EPS8: variants seen among roughly 807,000 people sequenced by gnomAD.
EPS8 encodes EGFR pathway substrate 8, signaling adaptor.
A neutral mutation model predicts 103.8 loss-of-function variants in EPS8; 42 were observed. That is an observed-to-expected ratio of 0.40 (90% CI 0.32 to 0.52). EPS8 has a LOEUF of 0.52. Among genes scored for constraint, EPS8 ranks in the 20% least tolerant of loss-of-function variants. The pLI, the probability that EPS8 is intolerant of heterozygous loss-of-function variation, is 0.40. For synonymous variants in EPS8, 344 were observed against 344.6 expected, an observed-to-expected ratio of 1.00 and a Z score of 0.02; for missense variants, 969 against 1,005.1, an observed-to-expected ratio of 0.96 and a Z score of 0.49.
rs79980624 is a variant in EPS8 at position 15,771,559 on chromosome 12, G to A, written c.-22+17602C>T. 8.2e-3 allele frequency among the ~76,000 whole-genome samples: 1,244 copies of A among 152,194 alleles called. 19 individuals carry two copies. The highest frequency in any genetic ancestry group is 0.028 in the African/African-American group (1,161 of 41,524). ...ACTGAACAGAAGGGGCAAAGGCGAG[G>A]GTTAACTTTAATGTGAAAGCAGCAA... On this transcript the variant is annotated intron_variant, in intron 1 of 20. Coordinates refer to ENST00000281172, the MANE Select transcript of EPS8 (RefSeq NM_004447.6). The surrounding 1 kb of genome is among the most constrained non-coding windows in gnomAD (Gnocchi z 4.6).
At chr12:15,636,503 T>TGGCA (rs1468530707) in intron 17 of EPS8, among the ~76,000 whole-genome samples, 1 of 152,188 alleles carries the variant, frequency 6.6e-6, no homozygotes, top group Admixed American at 6.5e-5. Flanking sequence ...GGACACCAGG[T>TGGCA]GGCAATTCAA....
Position 15,688,141 on chromosome 12 carries a change from C to T in EPS8, c.-21-5169G>A, listed in dbSNP as rs554960264. ...GTAAAATCATAGGCAGAAGTGAACA[C>T]AAAGGAGAAAGGGAAAGAAAACATT... On this transcript the variant is annotated intron_variant, in intron 1 of 20. Coordinates refer to ENST00000281172, the MANE Select transcript of EPS8 (RefSeq NM_004447.6). The surrounding 1 kb of genome is among the most constrained non-coding windows in gnomAD (Gnocchi z 5.1). 6.6e-6 allele frequency among the ~76,000 whole-genome samples: 1 copy of T among 152,106 alleles called. No homozygotes were observed. The highest frequency in any genetic ancestry group is 1.5e-5 in the Non-Finnish European group (1 of 68,016).
At chr12:15,709,761 C>T (rs148545108) in intron 1 of EPS8, among the ~76,000 whole-genome samples, 13 of 152,346 alleles carry the variant, frequency 8.5e-5, no homozygotes, top group African/African-American at 2.9e-4. Flanking sequence ...CTCTGCTTAA[C>T]GCAGTGGTCC....
At chr12:15,663,497 T>C (rs1355080869) in intron 8 of EPS8, among the ~76,000 whole-genome samples, 1 of 152,104 alleles carries the variant, frequency 6.6e-6, no homozygotes, top group Non-Finnish European at 1.5e-5. Flanking sequence ...AAGTCTTCTG[T>C]TTAGGCTAGT....
intron 1 of EPS8, among the ~76,000 whole-genome samples, chr12:15,685,549 G>T (rs976245591): frequency 2.0e-5 from 3 of 152,062 alleles, no homozygotes; most frequent in Admixed American, 1.3e-4. Context: ...ATAAATGCAT[G>T]GTCTCTCTTT....
intron 1 of EPS8, among the ~76,000 whole-genome samples, chr12:15,729,162 C>A (rs1189119944): frequency 6.6e-6 from 1 of 152,226 alleles, no homozygotes; most frequent in South Asian, 2.1e-4. Flanking sequence ...ACCCCCCGAC[C>A]TGTCAAAATC....
chr12:15,724,544 C>T (rs569328368), intron 1 of EPS8, among the ~76,000 whole-genome samples: 1 of 152,226 alleles, frequency 6.6e-6, no homozygotes, highest in South Asian at 2.1e-4. Flanking sequence ...TATCACTTTA[C>T]TTTTAAAACT....
chr12:15,640,114 T>C (rs942160985), intron 17 of EPS8, among the ~76,000 whole-genome samples: 1 of 152,238 alleles, frequency 6.6e-6, no homozygotes, highest in African/African-American at 2.4e-5. Flanking sequence ...TGGACCTTCA[T>C]GGGCCTTCAA....
intron 1 of EPS8, among the ~76,000 whole-genome samples, chr12:15,692,319 GT>G (rs56016545): frequency 8.8e-4 from 106 of 120,242 alleles, no homozygotes; most frequent in African/African-American, 2.7e-3. Flanking sequence ...AAGAGGTTTG[GT>G]TTTTTTTTTT....
At position 15,751,420 on chromosome 12, in the gene EPS8, C is replaced by T. The variant is rs1320715756; in HGVS notation, c.-22+37741G>A. Among the ~76,000 whole-genome samples, 1 of 152,176 alleles carries T rather than the reference C, an allele frequency of 6.6e-6. No homozygotes were observed. The highest frequency in any genetic ancestry group is 1.5e-5 in the Non-Finnish European group (1 of 68,024). ...CTAGCCTCAACGCCACTGATCCCAA[C>T]ATTTATTCATTCATTTTGCCAAAAC... On this transcript the variant is annotated intron_variant, in intron 1 of 20. Transcript: ENST00000281172. The surrounding 1 kb of genome is among the most constrained non-coding windows in gnomAD (Gnocchi z 4.3).
chr12:15,668,271 G>GA (rs1945752154), intron 6 of EPS8, among the ~76,000 whole-genome samples: 1 of 152,080 alleles, frequency 6.6e-6, no homozygotes, highest in Non-Finnish European at 1.5e-5. Context: ...GAAATTAGAA[G>GA]AAAATTATAA....
chr12:15,661,220 T>C (rs747402588), intron 9 of EPS8, among the ~76,000 whole-genome samples: 4 of 152,270 alleles, frequency 2.6e-5, no homozygotes, highest in Non-Finnish European at 4.4e-5. Flanking sequence ...CATGACAAAA[T>C]AGAATAATGC....
intron 4 of EPS8, 48 bp downstream of exon 4, chr12:15,670,808 G>T (rs1225280253): frequency 1.7e-5 from 21 of 1,255,640 alleles, no homozygotes; most frequent in Non-Finnish European, 2.3e-5. Flanking sequence ...CAATTTTTAT[G>T]TTCCTCAAGG....
chr12:15,624,216 G>T lies in EPS8; in HGVS notation c.2225+11C>A, dbSNP rs1187852490. 1.2e-6 allele frequency: 2 copies of T among 1,609,466 alleles called. No individual in the cohort carries two copies. The highest frequency in any genetic ancestry group is 2.7e-5 in the African/African-American group (2 of 74,812). On this transcript the variant is annotated intron_variant, in intron 19 of 20. Transcript: ENST00000281172. ...CACACAGAATTGCAAAGTATTCACA[G>T]AGAGACTCACACAGGGTTGAATCCC...
At position 15,730,545 on chromosome 12, in the gene EPS8, G is replaced by C. The variant is rs951275160; in HGVS notation, c.-21-47573C>G. On this transcript the variant is annotated intron_variant, in intron 1 of 20. Transcript: ENST00000281172. ...CACTAGAACTAGACTATAATTGTCT[G>C]CAGGCAGCTTAAAAACGATGGGACT... Among the ~76,000 whole-genome samples the C allele has an allele frequency of 5.3e-5, 8 of 152,262 alleles. No homozygotes were observed. In the East Asian group the frequency reaches 1.5e-3, roughly 29 times the overall value.
chr12:15,713,063 T>A lies in EPS8; in HGVS notation c.-21-30091A>T. On this transcript the variant is annotated intron_variant, in intron 1 of 20. Coordinates refer to ENST00000281172, the MANE Select transcript of EPS8 (RefSeq NM_004447.6). This position sits in a 1 kb window ranked among gnomAD's most constrained non-coding sequence, Gnocchi z 4.8. ...ACTAAGATTTCCTCCTCTTGTTAAG[T>A]AAGTAAACACAGCTACCACTACACT... 1.1e-6 allele frequency: 1 copy of A among 877,668 alleles called. No individual in the cohort carries two copies. The highest frequency in any genetic ancestry group is 1.4e-6 in the Non-Finnish European group (1 of 731,570). The allele number at this position is 877,668 out of a possible 1,614,324, so 54.4% of individuals were successfully genotyped here.
rs1946549999 is a variant in EPS8, at chr12:15,717,845, T to G, written c.-21-34873A>C. Among the ~76,000 whole-genome samples the G allele has an allele frequency of 6.6e-6, 1 of 152,222 alleles. No homozygotes were observed. Among genetic ancestry groups the G allele is most frequent in the African/African-American group, 2.4e-5 (1 of 41,456 alleles). On this transcript the variant is annotated intron_variant, in intron 1 of 20. Coordinates refer to ENST00000281172, the MANE Select transcript of EPS8 (RefSeq NM_004447.6). This position sits in a 1 kb window ranked among gnomAD's most constrained non-coding sequence, Gnocchi z 4.3. The stretch of plus-strand genomic sequence containing the variant: ...AGTTTTGCCTTAAATTGGCAATGTT[T>G]AGGAATGCATTAAGGGAAACACCAC...
intron 18 of EPS8, among the ~76,000 whole-genome samples, chr12:15,629,688 A>G (rs533286650): frequency 2.0e-5 from 3 of 152,338 alleles, no homozygotes; most frequent in African/African-American, 7.2e-5. Flanking sequence ...GTTTCCTGGC[A>G]AGATAGATAT....
intron 1 of EPS8, among the ~76,000 whole-genome samples, chr12:15,763,757 A>C (rs144793336): frequency 0.015 from 2,275 of 152,254 alleles, 68 homozygotes; most frequent in African/African-American, 0.052. Flanking sequence ...TACCATAGCC[A>C]GTGTTGTACT....
Sources: gnomAD v4.1 joint callset for allele counts (sites outside exome capture counted in the v4.1 genomes callset) on GRCh38, gnomAD v4.1.1 for gene constraint, Gnocchi (gnomAD v3.1) non-coding constraint, MANE v1.5 for transcripts, NCBI Gene and HGNC (gene_info 2026-07-23, HGNC 2026-07-21) for gene names.